The following DCTD variants were observed in gnomAD, a reference collection of about 807,000 sequenced individuals.
DCTD encodes deoxycytidylate deaminase.
A neutral mutation model predicts 21.0 loss-of-function variants in DCTD; 23 were observed. That is an observed-to-expected ratio of 1.09 (90% CI 0.79 to 1.55). DCTD has a LOEUF of 1.55. Ranked by LOEUF, DCTD falls within the 40% of genes most tolerant of loss-of-function variation. The probability of loss-of-function intolerance (pLI) is 0.00; values close to 1 mark genes in which losing one functional copy is unlikely to be tolerated. For missense variants in DCTD, 224 were observed against 230.0 expected, an observed-to-expected ratio of 0.97 and a Z score of 0.17; for synonymous variants, 71 against 81.1, an observed-to-expected ratio of 0.88 and a Z score of 0.67.
At chr4:182,905,375 C>G (rs1217407994) in intron 3 of DCTD, among the ~76,000 whole-genome samples, 2 of 144,398 alleles carry the variant, frequency 1.4e-5, no homozygotes, top group Non-Finnish European at 3.0e-5. Flanking sequence ...TGTTGCCAGG[C>G]TGGAGTGCAA....
At chr4:182,909,007 T>C (rs914614244) in intron 3 of DCTD, among the ~76,000 whole-genome samples, 4 of 152,204 alleles carry the variant, frequency 2.6e-5, no homozygotes, top group African/African-American at 9.6e-5. Flanking sequence ...ATGTGTATTT[T>C]CATGGGTAGG....
intron 3 of DCTD, 45 bp from the exon 4 acceptor site, chr4:182,894,650 A>G: frequency 8.1e-7 from 1 of 1,237,912 alleles, no homozygotes; most frequent in Non-Finnish European, 1.2e-6. Context: ...GTTGCAGCTC[A>G]TGAAGAATTT....
chr4:182,896,232 G>C (rs1355894571), intron 3 of DCTD, among the ~76,000 whole-genome samples: 1 of 152,126 alleles, frequency 6.6e-6, no homozygotes. Flanking sequence ...AGAGATGAAG[G>C]CCTGGCCACT....
chr4:182,909,073 G>C (rs1374880526), intron 3 of DCTD, among the ~76,000 whole-genome samples: 5 of 152,112 alleles, frequency 3.3e-5, no homozygotes, highest in African/African-American at 1.2e-4. Context: ...AAAACAAGGA[G>C]TTATTTTGTT....
intron 4 of DCTD, 147 bp from the exon 5 acceptor site, chr4:182,893,274 A>G (rs1056297665): frequency 4.3e-6 from 3 of 698,836 alleles, no homozygotes; most frequent in East Asian, 2.7e-5. Context: ...ACTGAAATAC[A>G]TATCTGCTGC....
At chr4:182,900,462 T>C (rs761494443) in intron 3 of DCTD, among the ~76,000 whole-genome samples, 1 of 152,202 alleles carries the variant, frequency 6.6e-6, no homozygotes, top group Non-Finnish European at 1.5e-5. Context: ...GTTGCCTGGA[T>C]GAACTGCAGC....
In DCTD at chr4:182,917,139, C is replaced by T. The variant is rs146503198; in HGVS notation, c.-8+172G>A. The T allele has an allele frequency of 3.2e-5, 32 of 987,754 alleles. No homozygotes were observed. Among genetic ancestry groups the T allele is most frequent in the Non-Finnish European group, 3.6e-5 (30 of 831,864 alleles). 61.2% of individuals were successfully genotyped at this position (987,754 alleles called of 1,614,324 possible). ...TGCGGGGACCCCGAGCGCCCCCACC[C>T]CGCCCGCATTCTCCGATCTAAAGGC... On this transcript the variant is annotated intron_variant, in intron 1 of 5. Coordinates refer to ENST00000438320, the MANE Select transcript of DCTD (RefSeq NM_001921.3). The surrounding 1 kb of genome is among the most constrained non-coding windows in gnomAD (Gnocchi z 4.9).
At chr4:182,893,937 G>C (rs146882698) in intron 4 of DCTD, among the ~76,000 whole-genome samples, 59 of 152,368 alleles carry the variant, frequency 3.9e-4, no homozygotes, top group African/African-American at 1.3e-3. Flanking sequence ...AAGTGTAGCT[G>C]AATCTTAGAT....
chr4:182,910,180 T>C (rs1355932228), intron 3 of DCTD, among the ~76,000 whole-genome samples: 1 of 152,012 alleles, frequency 6.6e-6, no homozygotes, highest in African/African-American at 2.4e-5. Context: ...TTGGGTGGGA[T>C]AGGAGGCCAA....
intron 3 of DCTD, among the ~76,000 whole-genome samples, chr4:182,902,698 T>A (rs1420149563): frequency 1.3e-5 from 2 of 151,292 alleles, no homozygotes; most frequent in Admixed American, 6.6e-5. Flanking sequence ...GGTTGCAAAC[T>A]GGCCTGCACT....
Position 182,890,728 on chromosome 4 carries a change from C to G in DCTD, c.*671G>C, listed in dbSNP as rs1485757179. ...ATTGAGCCAAAACAACAGGCGTCCC[C>G]ACCCCCCAGAGGGATAATGTGCCAC... On this transcript the variant is annotated 3_prime_UTR_variant, in exon 6 of 6. Coordinates refer to ENST00000438320, the MANE Select transcript of DCTD (RefSeq NM_001921.3). The G allele has an allele frequency of 6.6e-6, 1 of 152,410 alleles. No homozygotes were observed. Among genetic ancestry groups the G allele is most frequent in the Admixed American group, 6.5e-5 (1 of 15,282 alleles). The allele number at this position is 152,410 out of a possible 1,614,324, so 9.4% of individuals were successfully genotyped here.
intron 3 of DCTD, among the ~76,000 whole-genome samples, chr4:182,902,488 T>A (rs892818826): frequency 6.6e-6 from 1 of 152,110 alleles, no homozygotes; most frequent in African/African-American, 2.4e-5. Context: ...CCCCTCTTGC[T>A]CCCCGCCCCT....
At chr4:182,913,821 C>A (rs1413691275) in intron 3 of DCTD, among the ~76,000 whole-genome samples, 2 of 152,218 alleles carry the variant, frequency 1.3e-5, no homozygotes, top group African/African-American at 2.4e-5. Context: ...AAAAGTAAAG[C>A]TATGGCTGGA....
intron 3 of DCTD, 144 bp from the exon 4 acceptor site, chr4:182,894,749 G>T: frequency 1.5e-6 from 1 of 667,022 alleles, no homozygotes; most frequent in Non-Finnish European, 2.7e-6. Flanking sequence ...CAAGTCCTAA[G>T]AATACCAAAT....
intron 3 of DCTD, among the ~76,000 whole-genome samples, chr4:182,909,730 C>T (rs1282529474): frequency 6.6e-6 from 1 of 152,166 alleles, no homozygotes; most frequent in African/African-American, 2.4e-5. Flanking sequence ...CAACACTAAC[C>T]TTTCAGATGC....
intron 5 of DCTD, 133 bp downstream of exon 5, chr4:182,892,898 C>T (rs1734044795): frequency 3.1e-6 from 2 of 641,636 alleles, no homozygotes; most frequent in Non-Finnish European, 5.6e-6. Context: ...TCTTTAAATT[C>T]TTATGCCCTT....
In DCTD at chr4:182,915,490, C is replaced by T. The variant is rs2152865287; in HGVS notation, c.79G>A (p.Ala27Thr). The change falls in exon 2 of 6, where the codon GCA becomes ACA. Residue 27 changes from alanine to threonine, a missense_variant. Coordinates refer to ENST00000438320, the MANE Select transcript of DCTD (RefSeq NM_001921.3). ...EYFMAVAFLSAQRSKDPNSQV... is the reference protein window; with the variant it reads ...EYFMAVAFLSTQRSKDPNSQV... ...GAATTTGGATCTTTGCTTCTCTGTG[C>T]TGATAAGAAGGCCACAGCCATAAAA... 1 of 1,612,636 alleles carries T rather than the reference C, an allele frequency of 6.2e-7. No homozygotes were observed. Among genetic ancestry groups the T allele is most frequent in the Non-Finnish European group, 8.5e-7 (1 of 1,178,632 alleles).
intron 2 of DCTD, among the ~76,000 whole-genome samples, 186 bp from the exon 3 acceptor site, chr4:182,915,244 C>T (rs1561349271): frequency 6.6e-6 from 1 of 152,190 alleles, no homozygotes; most frequent in Admixed American, 6.5e-5. Context: ...GAAAGTGCAC[C>T]CCCAGTCCCA....
chr4:182,914,532 G>A (rs576276724), intron 3 of DCTD, among the ~76,000 whole-genome samples: 1 of 152,312 alleles, frequency 6.6e-6, no homozygotes, highest in East Asian at 1.9e-4. Flanking sequence ...AGCCGACCCT[G>A]CTTCCAAGTA....
Sources: gnomAD v4.1 joint callset for allele counts (sites outside exome capture counted in the v4.1 genomes callset) on GRCh38, gnomAD v4.1.1 for gene constraint, Gnocchi (gnomAD v3.1) non-coding constraint, MANE v1.5 for transcripts, NCBI Gene and HGNC (gene_info 2026-07-23, HGNC 2026-07-21) for gene names.